The following ADAMTSL1 variants were observed in gnomAD, a reference collection of about 807,000 sequenced individuals.
The protein encoded by ADAMTSL1 is ADAMTS-like protein 1.
ADAMTSL1 carries 126 observed loss-of-function variants against 201.8 expected under a neutral mutation model. The ratio of observed to expected loss-of-function variants is 0.62; its 90% CI spans 0.54 to 0.72. The LOEUF (loss-of-function observed/expected upper bound fraction) is 0.72, where lower values mean the gene tolerates loss of function less well. Among genes scored for constraint, ADAMTSL1 ranks in the 30% least tolerant of loss-of-function variants. The pLI is 0.00. For synonymous variants in ADAMTSL1, 1,121 were observed against 903.4 expected (o/e 1.24, Z -4.32); for missense variants, 2,679 against 2,277.8 (o/e 1.18, Z -3.59).
intron 2 of ADAMTSL1, among the ~76,000 whole-genome samples, chr9:18,199,287 C>T (rs1348037227): frequency 6.6e-6 from 1 of 151,850 alleles, no homozygotes; most frequent in African/African-American, 2.4e-5. Context: ...AAAAGTACGG[C>T]TTCTCTGTTA....
chr9:18,415,165 G>T (rs1040204108), intron 2 of ADAMTSL1, among the ~76,000 whole-genome samples: 2 of 152,146 alleles, frequency 1.3e-5, no homozygotes, highest in African/African-American at 4.8e-5. Flanking sequence ...ATGTCTGGCA[G>T]CCAATCGAAA....
chr9:18,626,556 G>C (rs148874484), intron 5 of ADAMTSL1, among the ~76,000 whole-genome samples: 1 of 152,214 alleles, frequency 6.6e-6, no homozygotes, highest in Admixed American at 6.5e-5. Flanking sequence ...TAGAGAAAAT[G>C]ATATGAGGCT....
intron 1 of ADAMTSL1, among the ~76,000 whole-genome samples, chr9:17,935,586 C>T (rs149190896): frequency 4.9e-4 from 74 of 152,290 alleles, no homozygotes; most frequent in African/African-American, 1.6e-3. Flanking sequence ...CTCCCAAAGC[C>T]ATTGCCAATG....
chr9:18,606,004 A>T (rs1036276986), intron 4 of ADAMTSL1, among the ~76,000 whole-genome samples: 1 of 152,162 alleles, frequency 6.6e-6, no homozygotes, highest in African/African-American at 2.4e-5. Flanking sequence ...ACTGCGTGGT[A>T]CAAACCAAAA....
At chr9:18,356,348 C>T (rs934043892) in intron 2 of ADAMTSL1, among the ~76,000 whole-genome samples, 5 of 151,902 alleles carry the variant, frequency 3.3e-5, no homozygotes, top group East Asian at 1.9e-4. Context: ...ACCAGGGACC[C>T]GCCCCTGTCT....
chr9:18,501,503 CAAAAAAAAAA>C (rs397894789), intron 1 of ADAMTSL1, among the ~76,000 whole-genome samples: 1 of 93,088 alleles, frequency 1.1e-5, no homozygotes, highest in African/African-American at 5.1e-5. Flanking sequence ...GACACGGTCT[CAAAAAAAAAA>C]AAAAAAAAAA....
intron 7 of ADAMTSL1, among the ~76,000 whole-genome samples, chr9:18,656,854 T>A (rs941461446): frequency 2.6e-5 from 4 of 152,100 alleles, no homozygotes; most frequent in African/African-American, 9.7e-5. Context: ...CATAAGGTAC[T>A]TTTTCCTTCT....
chr9:18,293,457 T>C (rs529868535), intron 2 of ADAMTSL1, among the ~76,000 whole-genome samples: 3 of 152,344 alleles, frequency 2.0e-5, no homozygotes, highest in South Asian at 4.1e-4. Flanking sequence ...AGACCAGCAG[T>C]CATCATCTTA....
chr9:18,823,711 C>G (rs184709109), intron 21 of ADAMTSL1, among the ~76,000 whole-genome samples: 2 of 152,092 alleles, frequency 1.3e-5, no homozygotes, highest in Non-Finnish European at 2.9e-5. Flanking sequence ...TTTGCAGGGC[C>G]GGCATGGTGG....
At chr9:18,119,169 A>G (rs1197140761) in intron 1 of ADAMTSL1, among the ~76,000 whole-genome samples, 1 of 152,202 alleles carries the variant, frequency 6.6e-6, no homozygotes. Flanking sequence ...AATAGAAAAC[A>G]TGATGTAAGA....
rs748674710 is a variant in ADAMTSL1, at chr9:18,680,356, G to T, written c.1181G>T (p.Gly394Val). The T allele has an allele frequency of 1.2e-6, 2 of 1,614,154 alleles. No homozygotes were observed. Among genetic ancestry groups the T allele is most frequent in the South Asian group, 1.1e-5 (1 of 91,078 alleles). The change falls in exon 11 of 29, where the codon GGG becomes GTG. Residue 394 changes from glycine (G) to valine (V), a missense_variant. Gly to Val is a moderately radical substitution (Grantham distance 109). Coordinates refer to ENST00000380548, the MANE Select transcript of ADAMTSL1 (RefSeq NM_001040272.6). ...ACCGCGTGCTCCTCCTCGTGTGGGG[G>T]GGGCATCCAGAGCCGGGCAGTTTCC... ...PWTACSSSCG[G>V]GIQSRAVSCV...
intron 23 of ADAMTSL1, among the ~76,000 whole-genome samples, chr9:18,833,312 A>G (rs1395792398): frequency 6.6e-6 from 1 of 151,938 alleles, no homozygotes; most frequent in African/African-American, 2.4e-5. Flanking sequence ...ACTAATTTAC[A>G]CTCCCACCAA....
rs929030448 is a variant in ADAMTSL1 at position 18,032,649 on chromosome 9, C to T, written c.87+125727C>T. On this transcript the variant is annotated intron_variant, in intron 1 of 29. Transcript: ENST00000680146. Reference sequence around the variant, plus strand: ...CTTGGAAGAGGGATAGTTGTGGTTCCGTTTTGCTGTAGCTGCCCCTTGTAA... The same window carrying T: ...CTTGGAAGAGGGATAGTTGTGGTTCTGTTTTGCTGTAGCTGCCCCTTGTAA... Among the ~76,000 whole-genome samples the T allele has an allele frequency of 4.6e-5, 7 of 152,144 alleles. No individual in the cohort carries two copies. In the East Asian group the frequency reaches 1.2e-3, roughly 25 times the overall value.
At chr9:18,861,409 A>G (rs1827208703) in intron 23 of ADAMTSL1, among the ~76,000 whole-genome samples, 1 of 152,206 alleles carries the variant, frequency 6.6e-6, no homozygotes. Flanking sequence ...TGAATCTCGG[A>G]AAGGTCAGAA....
chr9:18,131,036 A>G (rs1379620987), intron 1 of ADAMTSL1, among the ~76,000 whole-genome samples: 1 of 152,128 alleles, frequency 6.6e-6, no homozygotes, highest in Non-Finnish European at 1.5e-5. Context: ...GGTATAACTA[A>G]TCCTAAAAGT....
At chr9:18,589,718 C>G (rs1363947848) in intron 4 of ADAMTSL1, among the ~76,000 whole-genome samples, 1 of 152,054 alleles carries the variant, frequency 6.6e-6, no homozygotes, top group African/African-American at 2.4e-5. Context: ...TCATTTATGA[C>G]CTTTGTCATG....
intron 2 of ADAMTSL1, among the ~76,000 whole-genome samples, chr9:18,193,722 A>G (rs1203264719): frequency 6.6e-6 from 1 of 152,168 alleles, no homozygotes; most frequent in Non-Finnish European, 1.5e-5. Flanking sequence ...CCATAGCCAC[A>G]TAATTTTCCT....
intron 1 of ADAMTSL1, among the ~76,000 whole-genome samples, chr9:18,480,742 A>G (rs567432087): frequency 6.6e-6 from 1 of 152,320 alleles, no homozygotes; most frequent in South Asian, 2.1e-4. Flanking sequence ...ACATCATTCT[A>G]ATGGTGGTTT....
intron 2 of ADAMTSL1, among the ~76,000 whole-genome samples, chr9:18,284,484 A>G (rs1219849431): frequency 6.6e-6 from 1 of 152,124 alleles, no homozygotes; most frequent in African/African-American, 2.4e-5. Context: ...CTTCATCAGA[A>G]TTACTTGTAT....
Sources: allele counts gnomAD v4.1 joint callset (sites outside exome capture counted in the v4.1 genomes callset), GRCh38; gene constraint gnomAD v4.1.1; transcripts MANE v1.5; gene names NCBI Gene and HGNC (gene_info 2026-07-23, HGNC 2026-07-21).